SOBP: variants seen among roughly 807,000 people sequenced by gnomAD.
SOBP encodes sine oculis-binding protein homolog.
In SOBP, 4 loss-of-function variants were observed where a neutral mutation model predicts 53.6. The ratio of observed to expected loss-of-function variants is 0.07; its 90% CI spans 0.04 to 0.17. The LOEUF is 0.17. SOBP is among the 10% of genes least tolerant of loss of function. The pLI is 1.00. For synonymous variants in SOBP, 584 were observed against 522.6 expected, an observed-to-expected ratio of 1.12 and a Z score of -1.60; for missense variants, 1,088 against 1,204.7, an observed-to-expected ratio of 0.90 and a Z score of 1.43.
intron 3 of SOBP, among the ~76,000 whole-genome samples, chr6:107,522,534 A>G: frequency 8.8e-6 from 1 of 113,182 alleles, no homozygotes; most frequent in African/African-American, 3.1e-5. Flanking sequence ...TGTAGTATAA[A>G]AACTTTTTTT....
intron 5 of SOBP, among the ~76,000 whole-genome samples, chr6:107,616,830 G>A (rs990686058): frequency 6.6e-6 from 1 of 152,150 alleles, no homozygotes; most frequent in Non-Finnish European, 1.5e-5. Context: ...GACAGCCCTT[G>A]GCTGTCTTGC....
intron 4 of SOBP, among the ~76,000 whole-genome samples, chr6:107,576,166 C>G (rs924890391): frequency 6.6e-6 from 1 of 152,126 alleles, no homozygotes; most frequent in Non-Finnish European, 1.5e-5. Flanking sequence ...ACCATCCTGC[C>G]CAAAATCATG....
At chr6:107,618,266 C>T (rs1786872763) in intron 5 of SOBP, among the ~76,000 whole-genome samples, 1 of 152,150 alleles carries the variant, frequency 6.6e-6, no homozygotes. Context: ...GTTAGGTGAC[C>T]TTCCAGAAAT....
chr6:107,656,313 A>AAGAC (rs879769368), intron 6 of SOBP, among the ~76,000 whole-genome samples: 10,344 of 43,576 alleles, frequency 0.24, 555 homozygotes, highest in East Asian at 0.37. Context: ...GAAAGAAAGA[A>AAGAC]AGAAAGAAAG....
intron 4 of SOBP, among the ~76,000 whole-genome samples, chr6:107,581,638 A>T (rs1785404841): frequency 6.6e-6 from 1 of 152,242 alleles, no homozygotes; most frequent in African/African-American, 2.4e-5. Flanking sequence ...GAGCTTCCTC[A>T]AGAGAACGTG....
chr6:107,529,365 TG>T, intron 3 of SOBP: 1 of 736,244 alleles, frequency 1.4e-6, no homozygotes, highest in Non-Finnish European at 1.7e-6. Context: ...TTTCATGGCA[TG>T]GGGAACACAC....
chr6:107,495,202 G>A (rs1351212337), intron 1 of SOBP, among the ~76,000 whole-genome samples: 2 of 152,164 alleles, frequency 1.3e-5, no homozygotes, highest in Non-Finnish European at 2.9e-5. Context: ...GCAGGGATGG[G>A]GACTAATGTT....
intron 4 of SOBP, among the ~76,000 whole-genome samples, chr6:107,548,445 T>A (rs1413303442): frequency 6.6e-6 from 1 of 152,040 alleles, no homozygotes; most frequent in Non-Finnish European, 1.5e-5. Flanking sequence ...GGTTTCATTG[T>A]GTTAGCCAGG....
At chr6:107,535,934 A>C (rs770400809) in intron 4 of SOBP, among the ~76,000 whole-genome samples, 2 of 152,178 alleles carry the variant, frequency 1.3e-5, no homozygotes, top group Non-Finnish European at 2.9e-5. Context: ...CTCCTCTTGT[A>C]TCATTTAACA....
At chr6:107,499,321 C>T (rs1003422405) in intron 1 of SOBP, among the ~76,000 whole-genome samples, 2 of 152,122 alleles carry the variant, frequency 1.3e-5, no homozygotes, top group Non-Finnish European at 2.9e-5. Flanking sequence ...CATATAGGTT[C>T]ACCAAAAGTT....
intron 1 of SOBP, among the ~76,000 whole-genome samples, chr6:107,498,228 A>T (rs937207209): frequency 6.6e-6 from 1 of 152,062 alleles, no homozygotes; most frequent in African/African-American, 2.4e-5. Context: ...TGAAAATGGG[A>T]ATTATGTTTA....
At chr6:107,517,159 G>T (rs1783345956) in intron 3 of SOBP, among the ~76,000 whole-genome samples, 1 of 152,180 alleles carries the variant, frequency 6.6e-6, no homozygotes, top group African/African-American at 2.4e-5. Context: ...AAGGATGCAA[G>T]GATGTAGGTA....
intron 5 of SOBP, among the ~76,000 whole-genome samples, chr6:107,606,070 C>CTTTTTTT (rs11298151): frequency 1.6e-5 from 1 of 62,900 alleles, no homozygotes; most frequent in African/African-American, 5.5e-5. Flanking sequence ...AGATAGGCTC[C>CTTTTTTT]TTTTTTTTTT....
At position 107,580,798 on chromosome 6, in the gene SOBP, G is replaced by A. The variant is rs1785378374; in HGVS notation, c.574-6282G>A. 2.0e-5 allele frequency among the ~76,000 whole-genome samples: 3 copies of A among 152,216 alleles called. No homozygotes were observed. The South Asian group carries it at 6.2e-4, about 32-fold the overall frequency. On this transcript the variant is annotated intron_variant, in intron 4 of 6. Coordinates refer to ENST00000317357, the MANE Select transcript of SOBP (RefSeq NM_018013.4). ...GGCCAAGACCATGGTATCTAACCAA[G>A]TAGGAGGAGCAGGTGTTGGGCAGAA...
intron 3 of SOBP, among the ~76,000 whole-genome samples, chr6:107,528,037 C>T (rs1783715828): frequency 6.6e-6 from 1 of 152,222 alleles, no homozygotes. Context: ...TGTCCCAACT[C>T]TCCCATCTTT....
chr6:107,644,038 A>T (rs1353727017), intron 6 of SOBP, among the ~76,000 whole-genome samples: 2 of 152,180 alleles, frequency 1.3e-5, no homozygotes, highest in Admixed American at 1.3e-4. Context: ...GTGGTGGCTC[A>T]CTCCTGTAAT....
chr6:107,490,558 C>G lies in SOBP; in HGVS notation c.-59C>G, dbSNP rs1455997239. ...ACCTCCACCGCCGCCGCCGCCGCCA[C>G]CACCACCGCCGGCGGCGGCAGCAGC... On this transcript the variant is annotated 5_prime_UTR_variant, in exon 1 of 7. Transcript: ENST00000317357. 7.6e-7 allele frequency: 1 copy of G among 1,315,952 alleles called. No homozygotes were observed. The highest frequency in any genetic ancestry group is 1.5e-5 in the African/African-American group (1 of 66,930). 81.5% of individuals were successfully genotyped at this position (1,315,952 alleles called of 1,614,324 possible). A position where few individuals can be genotyped will look rare whatever the true frequency, so the allele number is the denominator to read the frequency against.
At chr6:107,557,900 ACT>A (rs1395453813) in intron 4 of SOBP, 2 of 151,874 alleles carry the variant, frequency 1.3e-5, no homozygotes, top group African/African-American at 4.8e-5. Flanking sequence ...GCAGAAGATG[ACT>A]CTGCATAATT....
rs568546761 is a variant in SOBP, at chr6:107,660,916, C to T, written c.*2713C>T. ...CCTGATTTTCTTCTCCCATGGAGCC[C>T]GAGAGAATCTTGGAGGCTTCCTGGT... On this transcript the variant is annotated 3_prime_UTR_variant, in exon 7 of 7. Transcript: ENST00000317357. Among the ~76,000 whole-genome samples the T allele has an allele frequency of 1.3e-5, 2 of 152,284 alleles. No individual in the cohort carries two copies. The highest frequency in any genetic ancestry group is 1.9e-4 in the East Asian group (1 of 5,182).
Sources: allele counts gnomAD v4.1 joint callset (sites outside exome capture counted in the v4.1 genomes callset), GRCh38; gene constraint gnomAD v4.1.1; transcripts MANE v1.5; gene names NCBI Gene and HGNC (gene_info 2026-07-23, HGNC 2026-07-21).